KIF23: variants seen among roughly 807,000 people sequenced by gnomAD.
KIF23 encodes the protein kinesin-like protein KIF23.
Under a neutral mutation model 137.5 loss-of-function variants are expected in KIF23, and 30 were observed. The observed-to-expected ratio is 0.22, with a 90% CI of 0.16 to 0.30. The LOEUF is 0.30. Ranked by LOEUF, KIF23 falls within the 10% of genes least tolerant of loss-of-function variation. The pLI, the probability that KIF23 is intolerant of heterozygous loss-of-function variation, is 1.00. For missense variants in KIF23, 920 were observed against 1,194.3 expected, an observed-to-expected ratio of 0.77 and a Z score of 3.38; for synonymous variants, 367 against 391.1, an observed-to-expected ratio of 0.94 and a Z score of 0.73.
At chr15:69,423,060 A>T in intron 6 of KIF23, 99 bp from the exon 7 acceptor site, 1 of 795,618 alleles carries the variant, frequency 1.3e-6, no homozygotes, top group Non-Finnish European at 2.1e-6. Context: ...CGGCCTCCCA[A>T]AGTGCTGGGA....
At chr15:69,420,283 C>T (rs955093330) in intron 3 of KIF23, among the ~76,000 whole-genome samples, 3 of 151,624 alleles carry the variant, frequency 2.0e-5, no homozygotes, top group Admixed American at 6.6e-5. Flanking sequence ...AAGAAGAAAA[C>T]AAAAACATTG....
intron 10 of KIF23, among the ~76,000 whole-genome samples, chr15:69,426,811 A>G (rs533162321): frequency 6.6e-6 from 1 of 152,366 alleles, no homozygotes; most frequent in East Asian, 1.9e-4. Context: ...TGAGTTCTAC[A>G]TCTATAGATT....
At position 69,447,779 on chromosome 15, in the gene KIF23, T is replaced by G. The variant is rs1158899753; in HGVS notation, c.2910-13T>G. On this transcript the variant is annotated splice_polypyrimidine_tract_variant and intron_variant, in intron 23 of 23. Coordinates refer to ENST00000679126, the MANE Select transcript of KIF23 (RefSeq NM_001367805.3). ...GCAAAGTTCAACTCTAAGTGCTGGTTGTTATGTTTTAGGCGCAAAAAGCCA... is the reference window on the plus strand; with the variant it reads ...GCAAAGTTCAACTCTAAGTGCTGGTGGTTATGTTTTAGGCGCAAAAAGCCA... 1.2e-6 allele frequency: 2 copies of G among 1,602,300 alleles called. No individual in the cohort carries two copies. The highest frequency in any genetic ancestry group is 2.2e-5 in the South Asian group (2 of 89,152).
At chr15:69,427,906 G>GT (rs2057244472) in intron 10 of KIF23, among the ~76,000 whole-genome samples, 1 of 152,192 alleles carries the variant, frequency 6.6e-6, no homozygotes. Flanking sequence ...GGTAATGCGT[G>GT]TAAAGTTCTT....
intron 8 of KIF23, 114 bp downstream of exon 8, chr15:69,425,437 T>A: frequency 1.1e-6 from 1 of 902,702 alleles, no homozygotes. Flanking sequence ...GGCTGGCTGC[T>A]GTCTCTAAGC....
chr15:69,432,338 C>T (rs1339260716), intron 11 of KIF23, among the ~76,000 whole-genome samples: 1 of 152,092 alleles, frequency 6.6e-6, no homozygotes, highest in African/African-American at 2.4e-5. Flanking sequence ...TAAAGATTTA[C>T]TGGAGCTGGG....
chr15:69,446,257 G>A, intron 21 of KIF23, 26 bp from the exon 22 acceptor site: 1 of 1,598,494 alleles, frequency 6.3e-7, no homozygotes. Context: ...AAAAATAATT[G>A]TTGCATCATG....
chr15:69,423,773 A>G (rs2057121924), intron 7 of KIF23, among the ~76,000 whole-genome samples: 2 of 152,180 alleles, frequency 1.3e-5, no homozygotes, highest in African/African-American at 4.8e-5. Context: ...ATCTTCTATC[A>G]TTCATTAATA....
At position 69,429,177 on chromosome 15, in the gene KIF23, C is replaced by A. The variant is rs1258842148; in HGVS notation, c.1078C>A (p.Arg360=). 6 of 1,612,890 alleles carry A rather than the reference C, an allele frequency of 3.7e-6. No homozygotes were observed. Among genetic ancestry groups the A allele is most frequent in the Non-Finnish European group, 5.1e-6 (6 of 1,179,218 alleles). ...TCTTGCTGGAAGTGAAAGAACTAAC[C>A]GGACCAGAGCAGAAGGGAACAGATT... ...VDLAGSERTN[R]TRAEGNRLRE... is the part of the protein sequence containing the mutation. The change falls in exon 11 of 24, where the codon CGG becomes AGG. Residue 360 remains arginine (R), a synonymous_variant. Transcript: ENST00000679126.
Position 69,446,782 on chromosome 15 carries a change from T to C in KIF23, c.2839-89T>C. On this transcript the variant is annotated intron_variant, in intron 22 of 23. Coordinates refer to ENST00000679126, the MANE Select transcript of KIF23 (RefSeq NM_001367805.3). ...GCTGAACTAGAAAGCAATATTGCAT[T>C]TCACCTAGGTGTGGAGCCTGCTAAA... The C allele has an allele frequency of 2.6e-6, 3 of 1,146,082 alleles. No individual in the cohort carries two copies. In the East Asian group the frequency reaches 7.0e-5, roughly 27 times the overall value. 71.0% of individuals were successfully genotyped at this position (1,146,082 alleles called of 1,614,324 possible). A position where few individuals can be genotyped will look rare whatever the true frequency, so the allele number is the denominator to read the frequency against.
At chr15:69,435,462 C>G (rs1567071570) in intron 11 of KIF23, 21 bp from the exon 12 acceptor site, 1 of 1,589,030 alleles carries the variant, frequency 6.3e-7, no homozygotes, top group Non-Finnish European at 8.6e-7. Flanking sequence ...GAAATGGCGT[C>G]TATGTATTTT....
At chr15:69,420,412 A>G (rs966866090) in intron 3 of KIF23, among the ~76,000 whole-genome samples, 4 of 152,308 alleles carry the variant, frequency 2.6e-5, no homozygotes, top group African/African-American at 7.2e-5. Flanking sequence ...GAGGTCATCT[A>G]TCTTCTCAGT....
intron 11 of KIF23, among the ~76,000 whole-genome samples, chr15:69,430,162 A>AAT (rs1347236870): frequency 2.6e-5 from 4 of 152,144 alleles, no homozygotes; most frequent in South Asian, 2.1e-4. Flanking sequence ...GAAGGCTTTA[A>AAT]ATATATATAT....
intron 11 of KIF23, among the ~76,000 whole-genome samples, chr15:69,433,353 A>G (rs1172464582): frequency 6.6e-6 from 1 of 152,228 alleles, no homozygotes; most frequent in African/African-American, 2.4e-5. Flanking sequence ...TGAGAGCTGC[A>G]TTCTTGAAAG....
chr15:69,414,505 G>C (rs553003106), intron 1 of KIF23, 29 bp downstream of exon 1: 3 of 1,551,856 alleles, frequency 1.9e-6, no homozygotes, highest in Admixed American at 3.8e-5. Flanking sequence ...AGCAGGGAGA[G>C]AGGGCGGACG....
intron 16 of KIF23, 79 bp from the exon 17 acceptor site, chr15:69,439,825 G>A (rs1354883820): frequency 1.8e-6 from 2 of 1,100,832 alleles, no homozygotes; most frequent in Non-Finnish European, 2.5e-6. Flanking sequence ...GCTTGCATAA[G>A]CAAATTAAGG....
intron 11 of KIF23, among the ~76,000 whole-genome samples, chr15:69,430,347 A>C (rs1348103269): frequency 6.6e-6 from 1 of 152,136 alleles, no homozygotes; most frequent in Non-Finnish European, 1.5e-5. Flanking sequence ...GTCACCTTGC[A>C]TGTTGTGTTT....
rs531826364 is a variant in KIF23, at chr15:69,420,081, A to G, written c.211-1566A>G. Among the ~76,000 whole-genome samples, 3 of 152,274 alleles carry G rather than the reference A, an allele frequency of 2.0e-5. No homozygotes were observed. In the East Asian group the frequency reaches 5.8e-4, roughly 29 times the overall value. On this transcript the variant is annotated intron_variant, in intron 3 of 23. Coordinates refer to ENST00000679126, the MANE Select transcript of KIF23 (RefSeq NM_001367805.3). ...GGAGTTCGAGACTAGCTTGGCCAAC[A>G]TGGCGAAACCCCATCACTACTAAAA...
rs1484211774 is a variant in KIF23, at chr15:69,438,282, C to G, written c.1632C>G (p.Asp544Glu). 1 of 1,607,546 alleles carries G rather than the reference C, an allele frequency of 6.2e-7. No individual in the cohort carries two copies. The highest frequency in any genetic ancestry group is 1.1e-5 in the South Asian group (1 of 89,832). Reference protein sequence around the residue: ...NAFKALLQEFDNAVLSKENHM... With the variant: ...NAFKALLQEFENAVLSKENHM... ...TTAAAGCTTTGTTACAAGAATTTGA[C>G]AATGCTGTTTTAAGTAAAGAAAACC... Residue 544 changes from aspartate (D) to glutamate (E), a missense_variant, in exon 16 of 24, where the codon GAC becomes GAG. Asp to Glu is a conservative substitution (Grantham distance 45). Around this residue, in one of 4 missense-constraint regions of KIF23, gnomAD observed 714 missense variants for 866.2 expected, o/e 0.82. Coordinates refer to ENST00000679126, the MANE Select transcript of KIF23 (RefSeq NM_001367805.3).
Sources: gnomAD v4.1 joint callset for allele counts (sites outside exome capture counted in the v4.1 genomes callset) on GRCh38, gnomAD v4.1.1 for gene constraint, gnomAD v4.1.1 regional missense constraint, MANE v1.5 for transcripts, NCBI Gene and HGNC (gene_info 2026-07-23, HGNC 2026-07-21) for gene names.